Variants in ROR2 observed in about 807,000 individuals in gnomAD.
ROR2 encodes ROR family WNT receptor 2, also known as tyrosine-protein kinase transmembrane receptor ROR2.
ROR2 carries 33 observed loss-of-function variants against 74.9 expected under a neutral mutation model. The ratio of observed to expected loss-of-function variants is 0.44; its 90% CI spans 0.33 to 0.59. The LOEUF (loss-of-function observed/expected upper bound fraction) is 0.59, where lower values mean the gene tolerates loss of function less well. Among genes scored for constraint, ROR2 ranks in the 20% least tolerant of loss-of-function variants. The pLI, the probability that ROR2 is intolerant of heterozygous loss-of-function variation, is 0.02. For missense variants in ROR2, 1,216 were observed against 1,313.8 expected (o/e 0.93, Z 1.15); for synonymous variants, 586 against 558.7 (o/e 1.05, Z -0.69).
Position 91,726,616 on chromosome 9 carries a change from G to A in ROR2, c.1311C>T (p.Ser437=). 1 of 1,613,948 alleles carries A rather than the reference G, an allele frequency of 6.2e-7. No homozygotes were observed. Among genetic ancestry groups the A allele is most frequent in the Non-Finnish European group, 8.5e-7 (1 of 1,180,046 alleles). Residue 437 remains serine, a synonymous_variant, in exon 8 of 9, where the codon TCC becomes TCT. Coordinates refer to ENST00000375708, the MANE Select transcript of ROR2 (RefSeq NM_004560.4). The stretch of plus-strand genomic sequence containing the variant: ...CCATCAGCTGTCGCCGCTGCGGTGT[G>A]GACGCAGATGCCTTCTGCTTATTCC... The part of the protein sequence containing the change: ...MCRNKQKASA[S]TPQRRQLMAS...
At chr9:91,738,285 T>A (rs1825103674) in intron 4 of ROR2, among the ~76,000 whole-genome samples, 1 of 152,226 alleles carries the variant, frequency 6.6e-6, no homozygotes, top group Admixed American at 6.5e-5. Context: ...AATTTTTCTA[T>A]AAACCTACAA....
intron 1 of ROR2, among the ~76,000 whole-genome samples, chr9:91,795,720 T>C (rs964698673): frequency 3.9e-5 from 6 of 152,234 alleles, no homozygotes; most frequent in African/African-American, 1.4e-4. Context: ...CATGGCATCA[T>C]GTCATGGGTA....
intron 1 of ROR2, among the ~76,000 whole-genome samples, chr9:91,846,008 G>A (rs1205104814): frequency 6.6e-6 from 1 of 151,856 alleles, no homozygotes; most frequent in African/African-American, 2.4e-5. Context: ...CAATCCCATG[G>A]TGGTTGCAGC....
chr9:91,800,472 G>C (rs183664360), intron 1 of ROR2, among the ~76,000 whole-genome samples: 1 of 152,154 alleles, frequency 6.6e-6, no homozygotes, highest in Non-Finnish European at 1.5e-5. Flanking sequence ...GCTGACTGGA[G>C]AGAGACCTGA....
chr9:91,873,577 G>A (rs1379144856), intron 1 of ROR2, among the ~76,000 whole-genome samples: 2 of 152,104 alleles, frequency 1.3e-5, no homozygotes. Flanking sequence ...GACAAAGCAA[G>A]AATCCATCTC....
chr9:91,928,918 T>C (rs1206018846), intron 1 of ROR2, among the ~76,000 whole-genome samples: 4 of 152,244 alleles, frequency 2.6e-5, no homozygotes, highest in Admixed American at 6.5e-5. Context: ...AAAGCCGTCA[T>C]GTCAATTATC....
chr9:91,780,417 A>G, intron 1 of ROR2, among the ~76,000 whole-genome samples: 1 of 151,788 alleles, frequency 6.6e-6, no homozygotes, highest in East Asian at 1.9e-4. Flanking sequence ...TTATATAACC[A>G]TCAAACAAAA....
chr9:91,909,771 G>T (rs1195458334), intron 1 of ROR2, among the ~76,000 whole-genome samples: 1 of 142,014 alleles, frequency 7.0e-6, no homozygotes, highest in Non-Finnish European at 1.5e-5. Flanking sequence ...GACATACTGT[G>T]CTTTTTCTTC....
chr9:91,826,794 AGAAAAAAG>A lies in ROR2; in HGVS notation c.98-50984_98-50977del, dbSNP rs1374207917. On this transcript the variant is annotated intron_variant, in intron 1 of 8. Coordinates refer to ENST00000375708, the MANE Select transcript of ROR2 (RefSeq NM_004560.4). The stretch of plus-strand genomic sequence containing the variant: ...GAGAGACTCCGTCTCAAAAAAAAAA[AGAAAAAAG>A]AAAAAAGAAAAAAGAATGTGATCTT... Among the ~76,000 whole-genome samples, 6 of 129,672 alleles carry A rather than the reference AGAAAAAAG, an allele frequency of 4.6e-5. No homozygotes were observed. In the South Asian group the frequency reaches 7.2e-4, roughly 16 times the overall value. The allele number at this position is 129,672 out of a possible 152,430, so 85.1% of individuals were successfully genotyped here.
chr9:91,799,057 C>T (rs1048638514), intron 1 of ROR2, among the ~76,000 whole-genome samples: 1 of 152,156 alleles, frequency 6.6e-6, no homozygotes, highest in Non-Finnish European at 1.5e-5. Flanking sequence ...ACACATGCCC[C>T]TCGCGCCCTG....
chr9:91,774,129 T>G (rs1826335718), intron 2 of ROR2, among the ~76,000 whole-genome samples: 1 of 152,168 alleles, frequency 6.6e-6, no homozygotes, highest in South Asian at 2.1e-4. Flanking sequence ...CAAAAACTAT[T>G]TTTCTTCCTA....
chr9:91,725,177 C>A (rs10992065), intron 8 of ROR2, 70 bp from the exon 9 acceptor site: 8 of 1,603,464 alleles, frequency 5.0e-6, no homozygotes, highest in Non-Finnish European at 5.1e-6. Context: ...GCAGAGCAGC[C>A]GGGAGGAGTG....
intron 4 of ROR2, among the ~76,000 whole-genome samples, chr9:91,755,530 T>G (rs1392328926): frequency 6.6e-6 from 1 of 152,200 alleles, no homozygotes; most frequent in East Asian, 1.9e-4. Flanking sequence ...TGGAATAACC[T>G]CGTACTGGGA....
At chr9:91,835,878 T>C (rs552479006) in intron 1 of ROR2, among the ~76,000 whole-genome samples, 2 of 152,314 alleles carry the variant, frequency 1.3e-5, no homozygotes, top group Admixed American at 1.3e-4. Context: ...CCTCCACATG[T>C]CCGCCTTTCA....
chr9:91,869,368 TA>T (rs1344230381), intron 1 of ROR2, among the ~76,000 whole-genome samples: 12 of 152,208 alleles, frequency 7.9e-5, no homozygotes, highest in Non-Finnish European at 1.6e-4. Flanking sequence ...TGTACAGGCA[TA>T]TTAAAGCACC....
intron 1 of ROR2, among the ~76,000 whole-genome samples, chr9:91,843,765 G>A (rs1828849693): frequency 6.6e-6 from 1 of 152,256 alleles, no homozygotes. Context: ...CGGCTCCAGA[G>A]TCTGCACATG....
At position 91,938,306 on chromosome 9, in the gene ROR2, T is replaced by A. The variant is rs1432872039; in HGVS notation, c.97+11561A>T. On this transcript the variant is annotated intron_variant, in intron 1 of 8. Transcript: ENST00000375708. ...AGACTCTTTCTCTTACAAAAATTTT[T>A]TTTTTAGTTAGCCAGATGTTGGTAG... Among the ~76,000 whole-genome samples, 4 of 152,160 alleles carry A rather than the reference T, an allele frequency of 2.6e-5. No homozygotes were observed. The East Asian group carries it at 7.7e-4, about 29-fold the overall frequency.
At chr9:91,931,887 C>G (rs1290545996) in intron 1 of ROR2, among the ~76,000 whole-genome samples, 1 of 152,052 alleles carries the variant, frequency 6.6e-6, no homozygotes, top group Non-Finnish European at 1.5e-5. Context: ...TAAAATTGTT[C>G]TAAAGTTTAT....
chr9:91,790,865 A>G (rs1157368646), intron 1 of ROR2, among the ~76,000 whole-genome samples: 1 of 152,216 alleles, frequency 6.6e-6, no homozygotes, highest in Non-Finnish European at 1.5e-5. Context: ...GTTTTAAAAA[A>G]CTGAAAATAA....
Sources: gnomAD v4.1 joint callset for allele counts (sites outside exome capture counted in the v4.1 genomes callset) on GRCh38, gnomAD v4.1.1 for gene constraint, MANE v1.5 for transcripts, NCBI Gene and HGNC (gene_info 2026-07-23, HGNC 2026-07-21) for gene names.